ARHGEF3: variants seen among roughly 807,000 people sequenced by gnomAD.
ARHGEF3 encodes the protein Rho guanine nucleotide exchange factor 3, also known as 59.8 kDA protein.
A neutral mutation model predicts 63.2 loss-of-function variants in ARHGEF3; 28 were observed. The observed-to-expected ratio is 0.44, with a 90% CI of 0.33 to 0.61. ARHGEF3 has a LOEUF of 0.61. ARHGEF3 is among the 20% of genes least tolerant of loss of function. The pLI is 0.03. For missense variants in ARHGEF3, 533 were observed against 659.3 expected, an observed-to-expected ratio of 0.81 and a Z score of 2.10; for synonymous variants, 266 against 254.2, an observed-to-expected ratio of 1.05 and a Z score of -0.44.
At chr3:57,053,984 G>A (rs1704791353) in intron 1 of ARHGEF3, among the ~76,000 whole-genome samples, 1 of 152,172 alleles carries the variant, frequency 6.6e-6, no homozygotes, top group South Asian at 2.1e-4. Context: ...AAGTCTTTTG[G>A]TGCTCAGATG....
At chr3:56,956,775 G>A (rs542341956) in intron 3 of ARHGEF3, among the ~76,000 whole-genome samples, 183 of 152,162 alleles carry the variant, frequency 1.2e-3, no homozygotes, top group African/African-American at 4.3e-3. Flanking sequence ...GGATGGATAG[G>A]GCAAGCACTG....
chr3:57,022,903 G>A (rs376896072), intron 2 of ARHGEF3, among the ~76,000 whole-genome samples: 3 of 152,298 alleles, frequency 2.0e-5, no homozygotes, highest in African/African-American at 7.2e-5. Context: ...AGCACATGCT[G>A]TCCCTGATGC....
chr3:56,820,922 G>A (rs971277303), intron 4 of ARHGEF3, among the ~76,000 whole-genome samples: 6 of 151,818 alleles, frequency 4.0e-5, no homozygotes, highest in African/African-American at 1.5e-4. Context: ...GGAGGCCAAG[G>A]TGGGTGAATC....
At chr3:56,834,406 C>T (rs183598366) in intron 4 of ARHGEF3, among the ~76,000 whole-genome samples, 57 of 152,122 alleles carry the variant, frequency 3.7e-4, no homozygotes, top group African/African-American at 1.3e-3. Flanking sequence ...TATCTAATAA[C>T]GGTGGGTTAA....
At chr3:56,948,938 G>A (rs1389676590) in intron 3 of ARHGEF3, among the ~76,000 whole-genome samples, 1 of 152,058 alleles carries the variant, frequency 6.6e-6, no homozygotes, top group Non-Finnish European at 1.5e-5. Context: ...CCATGATCAA[G>A]TGGGCTTCAT....
In ARHGEF3 at chr3:56,729,251, C is replaced by G; in HGVS notation, c.*19G>C. 6.3e-7 allele frequency: 1 copy of G among 1,593,962 alleles called. No individual in the cohort carries two copies. The highest frequency in any genetic ancestry group is 8.6e-7 in the Non-Finnish European group (1 of 1,168,632). On this transcript the variant is annotated 3_prime_UTR_variant, in exon 10 of 10. Transcript: ENST00000296315. Reference sequence around the variant, plus strand: ...ACAGGTAAGATGCAGGCCTGCTTCCCGAAGTGCACATGCTTCTGTCAGACG... The same window carrying G: ...ACAGGTAAGATGCAGGCCTGCTTCCGGAAGTGCACATGCTTCTGTCAGACG...
chr3:56,747,803 G>A lies in ARHGEF3; in HGVS notation c.613-2341C>T, dbSNP rs191295302. Among the ~76,000 whole-genome samples, 42 of 152,256 alleles carry A rather than the reference G, an allele frequency of 2.8e-4. 1 individual carries two copies. Among genetic ancestry groups the A allele is most frequent in the South Asian group, 1.5e-3 (7 of 4,820 alleles). On this transcript the variant is annotated intron_variant, in intron 6 of 9. Transcript: ENST00000296315. ...CACATCACTGCACTCCAGCCTTGGC[G>A]ACAGAGAGAGACTGTCTCGGAAAAA...
chr3:57,065,439 C>T (rs1349372958), intron 1 of ARHGEF3, among the ~76,000 whole-genome samples: 1 of 151,084 alleles, frequency 6.6e-6, no homozygotes, highest in Non-Finnish European at 1.5e-5. Context: ...CCAGCCTGGG[C>T]AACAGAGCAG....
At chr3:56,993,585 G>A (rs1037781938) in intron 2 of ARHGEF3, among the ~76,000 whole-genome samples, 3 of 151,394 alleles carry the variant, frequency 2.0e-5, no homozygotes, top group Admixed American at 6.6e-5. Flanking sequence ...ATGTTGCCCA[G>A]GCTGATCTCA....
chr3:56,999,666 G>T (rs535261331), intron 2 of ARHGEF3, among the ~76,000 whole-genome samples: 8 of 152,242 alleles, frequency 5.3e-5, no homozygotes, highest in African/African-American at 1.9e-4. Context: ...ATGTGATGGT[G>T]CACACTTGTA....
chr3:56,802,847 T>C (rs74811040), upstream of ARHGEF3, among the ~76,000 whole-genome samples: 2,043 of 152,280 alleles, frequency 0.013, 24 homozygotes, highest in Middle Eastern at 0.024. Flanking sequence ...CTGGAAACAA[T>C]GGTAATATAT....
chr3:56,923,077 A>ATATATATATATATATAT, intron 3 of ARHGEF3, among the ~76,000 whole-genome samples: 1 of 98,336 alleles, frequency 1.0e-5, no homozygotes, highest in Admixed American at 1.2e-4. Flanking sequence ...TATATATATA[A>ATATATATATATATATAT]ATTAGTTGGG....
At chr3:56,940,513 G>A (rs1699126396) in intron 3 of ARHGEF3, 1 of 151,834 alleles carries the variant, frequency 6.6e-6, no homozygotes, top group South Asian at 2.1e-4. Flanking sequence ...ATCTAAGAAT[G>A]AGCTCCAATG....
intron 3 of ARHGEF3, chr3:56,940,678 T>G (rs1273771293): frequency 6.6e-6 from 1 of 151,386 alleles, no homozygotes; most frequent in Non-Finnish European, 1.5e-5. Flanking sequence ...TTTGCCTTTA[T>G]GAGGGGGCAG....
chr3:57,072,363 T>A (rs1452979500), intron 1 of ARHGEF3, among the ~76,000 whole-genome samples: 1 of 151,798 alleles, frequency 6.6e-6, no homozygotes, highest in Non-Finnish European at 1.5e-5. Flanking sequence ...GAGAAATGTA[T>A]ACGGTCAAAG....
intron 2 of ARHGEF3, among the ~76,000 whole-genome samples, chr3:56,967,879 TATAA>T (rs1337014880): frequency 1.4e-5 from 1 of 73,138 alleles, no homozygotes; most frequent in Non-Finnish European, 2.3e-5. Flanking sequence ...TAATATATAA[TATAA>T]ATATATAATA....
At chr3:56,802,805 C>A (rs1164697805), upstream of ARHGEF3, among the ~76,000 whole-genome samples, 1 of 152,092 alleles carries the variant, frequency 6.6e-6, no homozygotes, top group African/African-American at 2.4e-5. Context: ...TTTGCAGCAG[C>A]CCTGTCTGGG....
chr3:56,958,107 T>A (rs777649471), intron 3 of ARHGEF3, among the ~76,000 whole-genome samples: 2 of 152,166 alleles, frequency 1.3e-5, no homozygotes, highest in Admixed American at 6.5e-5. Context: ...CAAAGCTCCC[T>A]GTGAAGGCAT....
At chr3:57,031,382 C>G (rs750131168) in intron 2 of ARHGEF3, among the ~76,000 whole-genome samples, 1 of 152,068 alleles carries the variant, frequency 6.6e-6, no homozygotes, top group Admixed American at 6.6e-5. Context: ...TAAAAATAAG[C>G]AAACAAAAAC....
Sources: gnomAD v4.1 joint callset for allele counts (sites outside exome capture counted in the v4.1 genomes callset) on GRCh38, gnomAD v4.1.1 for gene constraint, MANE v1.5 for transcripts, NCBI Gene and HGNC (gene_info 2026-07-23, HGNC 2026-07-21) for gene names.